The following VEPH1 variants were observed in gnomAD, a reference collection of about 807,000 sequenced individuals.
VEPH1 encodes ventricular zone expressed PH domain containing 1.
Under a neutral mutation model 85.2 loss-of-function variants are expected in VEPH1, and 80 were observed. The ratio of observed to expected loss-of-function variants is 0.94; its 90% CI spans 0.78 to 1.13. The LOEUF (loss-of-function observed/expected upper bound fraction) is 1.13. VEPH1 is among the 50% of genes most tolerant of loss of function. VEPH1 has a pLI of 0.00. For missense variants in VEPH1, 955 were observed against 980.5 expected (o/e 0.97, Z 0.35); for synonymous variants, 297 against 348.0 (o/e 0.85, Z 1.63).
Position 157,375,519 on chromosome 3 carries a change from A to G in VEPH1, c.1127+5637T>C, listed in dbSNP as rs547798873. Among the ~76,000 whole-genome samples, 26 of 152,296 alleles carry G rather than the reference A, an allele frequency of 1.7e-4. No homozygotes were observed. In the South Asian group the frequency reaches 5.4e-3, roughly 32 times the overall value. ...TACATTAGGGCCACACAATACATCA[A>G]ATATGTCTCTTTGCTGTACTCCATT... On this transcript the variant is annotated intron_variant, in intron 7 of 13. Coordinates refer to ENST00000362010, the MANE Select transcript of VEPH1 (RefSeq NM_001167912.2).
In VEPH1 at chr3:157,400,414, A is replaced by G. The variant is rs533048309; in HGVS notation, c.906+13467T>C. Among the ~76,000 whole-genome samples, 5 of 152,270 alleles carry G rather than the reference A, an allele frequency of 3.3e-5. No individual in the cohort carries two copies. The East Asian group carries it at 9.6e-4, about 29-fold the overall frequency. ...TTTTAATTATGAAACAATTATGGCT[A>G]AAGTTAAGTGTGGAACTTAGTATAT... On this transcript the variant is annotated intron_variant, in intron 6 of 13. Transcript: ENST00000362010.
chr3:157,263,570 G>C (rs377149506), intron 13 of VEPH1, among the ~76,000 whole-genome samples: 15 of 152,026 alleles, frequency 9.9e-5, no homozygotes, highest in African/African-American at 3.4e-4. Flanking sequence ...GTGAACCTAT[G>C]CTAAAAAAAT....
chr3:157,443,459 T>C (rs1734297753), intron 4 of VEPH1: 1 of 154,646 alleles, frequency 6.5e-6, no homozygotes, highest in Non-Finnish European at 1.4e-5. Flanking sequence ...ATAAATGTAG[T>C]TTATGTGTTA....
At chr3:157,291,620 A>G (rs759696735) in intron 11 of VEPH1, among the ~76,000 whole-genome samples, 9 of 152,204 alleles carry the variant, frequency 5.9e-5, no homozygotes, top group Non-Finnish European at 8.8e-5. Flanking sequence ...TCACAGAGGA[A>G]ACTGAATACA....
intron 12 of VEPH1, among the ~76,000 whole-genome samples, chr3:157,283,149 A>G (rs1318651621): frequency 6.6e-6 from 1 of 152,226 alleles, no homozygotes; most frequent in Non-Finnish European, 1.5e-5. Flanking sequence ...TCTTTATAAT[A>G]TATTATAACA....
At chr3:157,491,986 C>A (rs1046086007) in intron 2 of VEPH1, among the ~76,000 whole-genome samples, 1 of 152,192 alleles carries the variant, frequency 6.6e-6, no homozygotes, top group Non-Finnish European at 1.5e-5. Context: ...GGAGGGTAAG[C>A]AGAATGATAA....
intron 4 of VEPH1, among the ~76,000 whole-genome samples, chr3:157,440,638 A>G (rs2109224892): frequency 6.6e-6 from 1 of 152,162 alleles, no homozygotes; most frequent in South Asian, 2.1e-4. Flanking sequence ...GTATACATAC[A>G]TACATATCCA....
intron 9 of VEPH1, among the ~76,000 whole-genome samples, chr3:157,323,546 C>T (rs1302214782): frequency 6.6e-6 from 1 of 152,128 alleles, no homozygotes; most frequent in Non-Finnish European, 1.5e-5. Flanking sequence ...CTGGTGGGCC[C>T]CTGGCTATAT....
Position 157,283,791 on chromosome 3 carries a change from A to AAT in VEPH1, c.2128+2765_2128+2766insAT, listed in dbSNP as rs1716427531. On this transcript the variant is annotated intron_variant, in intron 12 of 13. Transcript: ENST00000362010. ...GCTGGACAGCATTAAAAAATATTGA[A>AAT]ACGTGAATACTTGAAAACAATTACT... 6.6e-5 allele frequency among the ~76,000 whole-genome samples: 10 copies of AAT among 152,344 alleles called. No individual in the cohort carries two copies. The South Asian group carries it at 2.1e-3, about 32-fold the overall frequency.
Position 157,364,469 on chromosome 3 carries a change from C to T in VEPH1, c.1171G>A (p.Glu391Lys). 3.7e-6 allele frequency: 6 copies of T among 1,613,934 alleles called. No homozygotes were observed. The highest frequency in any genetic ancestry group is 5.1e-6 in the Non-Finnish European group (6 of 1,179,926). Reference sequence around the variant, plus strand: ...TTTTCAGTTACTATGAGCTTGGTTTCTTCCAGTTTCTCAGGGAATTCAATT... The same window carrying T: ...TTTTCAGTTACTATGAGCTTGGTTTTTTCCAGTTTCTCAGGGAATTCAATT... ...TEIEFPEKLEETKLIVTENED... is the reference protein window; with the variant it reads ...TEIEFPEKLEKTKLIVTENED... Residue 391 changes from glutamate (E) to lysine (K), a missense_variant, in exon 8 of 14, where the codon GAA (glutamate) becomes AAA (lysine). By Grantham distance (56) the Glu-to-Lys change is moderately conservative. Coordinates refer to ENST00000362010, the MANE Select transcript of VEPH1 (RefSeq NM_001167912.2).
In VEPH1 at chr3:157,391,152, C is replaced by T. The variant is rs536308764; in HGVS notation, c.907-9776G>A. ...CCTGTGGTGGGCATGGGGTCTGGGC[C>T]AGTAGTGTGAGTCAAGCACAGCCTG... is the stretch of plus-strand genomic sequence containing the variant. On this transcript the variant is annotated intron_variant, in intron 6 of 13. Coordinates refer to ENST00000362010, the MANE Select transcript of VEPH1 (RefSeq NM_001167912.2). 4.6e-5 allele frequency among the ~76,000 whole-genome samples: 7 copies of T among 152,298 alleles called. No individual in the cohort carries two copies. The East Asian group carries it at 1.4e-3, about 29-fold the overall frequency.
At position 157,313,616 on chromosome 3, in the gene VEPH1, T is replaced by A; in HGVS notation, c.2010+5A>T. 1 of 1,613,764 alleles carries A rather than the reference T, an allele frequency of 6.2e-7. No individual in the cohort carries two copies. The highest frequency in any genetic ancestry group is 8.5e-7 in the Non-Finnish European group (1 of 1,179,796). The stretch of plus-strand genomic sequence containing the variant: ...TGTAACATGGCCAAGGAAAGGAATA[T>A]TTACCTTCTGCTGTGGAAACGTGGA... On this transcript the variant is annotated splice_donor_5th_base_variant and intron_variant, in intron 11 of 13. Coordinates refer to ENST00000362010, the MANE Select transcript of VEPH1 (RefSeq NM_001167912.2).
In VEPH1 at chr3:157,265,602, C is replaced by T. The variant is rs1284055598; in HGVS notation, c.2189G>A (p.Trp730Ter). Reference protein sequence around the residue: ...EGKLKEKQVRWKFIKRWKTRY... With the variant: ...EGKLKEKQVR ...TGTTTTCCACCTTTTGATGAACTTC[C>T]ATCTGACTTGCTTCTCTTTAAGTTT... The change falls in exon 13 of 14, where the codon TGG becomes TAG. Residue 730 changes from tryptophan (W) to a stop codon, truncating the protein, a stop_gained. Transcript: ENST00000362010. LOFTEE classifies it high-confidence loss of function. 6.2e-7 allele frequency: 1 copy of T among 1,613,724 alleles called. No homozygotes were observed. The highest frequency in any genetic ancestry group is 1.7e-5 in the Admixed American group (1 of 60,014).
intron 2 of VEPH1, among the ~76,000 whole-genome samples, chr3:157,477,203 T>C (rs1737559470): frequency 6.6e-6 from 1 of 151,774 alleles, no homozygotes; most frequent in Admixed American, 6.6e-5. Context: ...TTTTTTTTTT[T>C]TAATCTGTTC....
chr3:157,349,225 A>G (rs1268599194), intron 9 of VEPH1, among the ~76,000 whole-genome samples: 1 of 152,266 alleles, frequency 6.6e-6, no homozygotes. Context: ...AAAATGGTTC[A>G]ATATATGCAA....
chr3:157,502,573 T>C (rs1284382504), intron 1 of VEPH1, among the ~76,000 whole-genome samples: 1 of 152,342 alleles, frequency 6.6e-6, no homozygotes, highest in Admixed American at 6.5e-5. Context: ...GAAAACTCAA[T>C]GTTAAATGTA....
rs2108455183 is a variant in VEPH1 at position 157,301,004 on chromosome 3, G to C, written c.2010+12617C>G. On this transcript the variant is annotated intron_variant, in intron 11 of 13. Coordinates refer to ENST00000362010, the MANE Select transcript of VEPH1 (RefSeq NM_001167912.2). ...CATGTGAACCTCTCCTCTTATGTTA[G>C]CCATATTAATCCCGGATGAACTATC... Among the ~76,000 whole-genome samples the C allele has an allele frequency of 2.0e-5, 3 of 152,308 alleles. No individual in the cohort carries two copies. The South Asian group carries it at 6.2e-4, about 32-fold the overall frequency.
At chr3:157,495,088 G>A in intron 2 of VEPH1, 124 bp downstream of exon 2, 1 of 1,008,862 alleles carries the variant, frequency 9.9e-7, no homozygotes, top group Non-Finnish European at 1.4e-6. Context: ...AGCAGATTAA[G>A]AGAGACCAAT....
rs541959218 is a variant in VEPH1, at chr3:157,407,277, C to T, written c.906+6604G>A. Among the ~76,000 whole-genome samples the T allele has an allele frequency of 2.0e-5, 3 of 152,238 alleles. No homozygotes were observed. The East Asian group carries it at 5.8e-4, about 29-fold the overall frequency. On this transcript the variant is annotated intron_variant, in intron 6 of 13. Coordinates refer to ENST00000362010, the MANE Select transcript of VEPH1 (RefSeq NM_001167912.2). ...TTTAAGAGTTTTTAAAAAATTGCTG[C>T]AAACTTATTTGAGCTGTTTATATAG...
Sources: gnomAD v4.1 joint callset for allele counts (sites outside exome capture counted in the v4.1 genomes callset) on GRCh38, gnomAD v4.1.1 for gene constraint, MANE v1.5 for transcripts, NCBI Gene and HGNC (gene_info 2026-07-23, HGNC 2026-07-21) for gene names.